The following CDH13 variants were observed in gnomAD, a reference collection of about 807,000 sequenced individuals.
CDH13 encodes cadherin-13.
Under a neutral mutation model 63.8 loss-of-function variants are expected in CDH13, and 24 were observed. That is an observed-to-expected ratio of 0.38 (90% CI 0.27 to 0.53). The LOEUF (loss-of-function observed/expected upper bound fraction) is 0.53, where lower values mean the gene tolerates loss of function less well. Among genes scored for constraint, CDH13 ranks in the 20% least tolerant of loss-of-function variants. The pLI, the probability that CDH13 is intolerant of heterozygous loss-of-function variation, is 0.85. For missense variants in CDH13, 1,049 were observed against 903.1 expected (o/e 1.16, Z -2.07); for synonymous variants, 503 against 355.3 (o/e 1.42, Z -4.67).
chr16:82,985,273 G>A (rs756136671), intron 2 of CDH13, among the ~76,000 whole-genome samples: 3 of 152,152 alleles, frequency 2.0e-5, no homozygotes, highest in Non-Finnish European at 2.9e-5. Context: ...AAAGGAGGGG[G>A]AGTTGAAAGG....
chr16:83,051,942 T>TG (rs1013918120), intron 3 of CDH13, among the ~76,000 whole-genome samples: 43 of 152,188 alleles, frequency 2.8e-4, no homozygotes, highest in African/African-American at 4.8e-4. Flanking sequence ...TAATTTTTTT[T>TG]TTGTTGTTAA....
At chr16:83,663,548 C>A (rs1364909676) in intron 8 of CDH13, among the ~76,000 whole-genome samples, 3 of 152,008 alleles carry the variant, frequency 2.0e-5, no homozygotes, top group African/African-American at 7.2e-5. Context: ...ACAAAATAAC[C>A]CGAAAAGTTA....
At chr16:83,480,152 C>A (rs545515647) in intron 6 of CDH13, among the ~76,000 whole-genome samples, 6 of 152,104 alleles carry the variant, frequency 3.9e-5, no homozygotes, top group African/African-American at 1.4e-4. Flanking sequence ...TGACAAAACC[C>A]CATCTCTACA....
At chr16:82,672,816 C>G (rs111815222) in intron 1 of CDH13, among the ~76,000 whole-genome samples, 4 of 150,196 alleles carry the variant, frequency 2.7e-5, no homozygotes, top group African/African-American at 9.8e-5. Flanking sequence ...CACACACACA[C>G]AAAATATATA....
At chr16:83,497,150 C>T (rs971343198) in intron 7 of CDH13, among the ~76,000 whole-genome samples, 2 of 152,142 alleles carry the variant, frequency 1.3e-5, no homozygotes, top group African/African-American at 4.8e-5. Context: ...ACCCAGCCAT[C>T]CCATTACTGG....
At chr16:83,563,227 A>T (rs1419529576) in intron 7 of CDH13, among the ~76,000 whole-genome samples, 2 of 152,250 alleles carry the variant, frequency 1.3e-5, no homozygotes, top group African/African-American at 4.8e-5. Flanking sequence ...AGAGCCTAAT[A>T]ACATGGGGAA....
At chr16:83,574,624 G>A (rs1272571934) in intron 7 of CDH13, among the ~76,000 whole-genome samples, 1 of 152,172 alleles carries the variant, frequency 6.6e-6, no homozygotes, top group African/African-American at 2.4e-5. Flanking sequence ...TGCATCACAG[G>A]GATGGCATTC....
At chr16:83,657,796 T>G (rs549680164) in intron 8 of CDH13, among the ~76,000 whole-genome samples, 2 of 152,300 alleles carry the variant, frequency 1.3e-5, no homozygotes, top group South Asian at 4.1e-4. Context: ...GCCAGTGGCA[T>G]CCTTCAGCAC....
At chr16:83,404,472 A>G (rs2092012367) in intron 6 of CDH13, among the ~76,000 whole-genome samples, 1 of 152,228 alleles carries the variant, frequency 6.6e-6, no homozygotes. Flanking sequence ...TTTAGGAAGG[A>G]TTAAGTGATG....
At chr16:83,452,216 C>T (rs2072904326) in intron 6 of CDH13, among the ~76,000 whole-genome samples, 1 of 152,182 alleles carries the variant, frequency 6.6e-6, no homozygotes. Context: ...AACCTTGTGA[C>T]AGTCGGTAGT....
chr16:83,445,635 C>T (rs892840889), intron 6 of CDH13, among the ~76,000 whole-genome samples: 1 of 152,128 alleles, frequency 6.6e-6, no homozygotes, highest in Admixed American at 6.5e-5. Flanking sequence ...CGATAAAGAC[C>T]ATCATGTTTT....
intron 7 of CDH13, among the ~76,000 whole-genome samples, chr16:83,546,829 C>T (rs1019461126): frequency 6.6e-6 from 1 of 152,178 alleles, no homozygotes; most frequent in Non-Finnish European, 1.5e-5. Context: ...GGCACTGCAG[C>T]CCCATGGCCA....
At chr16:82,694,150 A>G (rs1468512618) in intron 1 of CDH13, among the ~76,000 whole-genome samples, 2 of 152,246 alleles carry the variant, frequency 1.3e-5, no homozygotes, top group African/African-American at 2.4e-5. Flanking sequence ...TCACTTGCAT[A>G]TAGAGCTATT....
At chr16:82,884,236 C>G (rs1213598553) in intron 2 of CDH13, 2 of 455,344 alleles carry the variant, frequency 4.4e-6, no homozygotes, top group South Asian at 1.6e-5. Flanking sequence ...TTTTAAAAGC[C>G]TGGGCTCCCA....
intron 6 of CDH13, among the ~76,000 whole-genome samples, chr16:83,441,978 G>A (rs910799779): frequency 6.6e-6 from 1 of 152,126 alleles, no homozygotes; most frequent in African/African-American, 2.4e-5. Context: ...GGATTGAGAG[G>A]GTTTGAATGA....
intron 3 of CDH13, among the ~76,000 whole-genome samples, chr16:83,088,984 T>C (rs1303817050): frequency 6.6e-6 from 1 of 152,222 alleles, no homozygotes; most frequent in Non-Finnish European, 1.5e-5. Context: ...AAGGGCAGAA[T>C]TGAGTAGTTG....
intron 2 of CDH13, among the ~76,000 whole-genome samples, chr16:82,942,811 G>C (rs1425244131): frequency 1.3e-5 from 2 of 152,172 alleles, no homozygotes; most frequent in East Asian, 3.9e-4. Context: ...TGGAACTCAG[G>C]TTTCCCAATA....
At chr16:83,649,073 C>G (rs1332567569) in intron 8 of CDH13, among the ~76,000 whole-genome samples, 1 of 152,230 alleles carries the variant, frequency 6.6e-6, no homozygotes, top group African/African-American at 2.4e-5. Flanking sequence ...TTTCTTAACT[C>G]TGTGACTATT....
intron 4 of CDH13, among the ~76,000 whole-genome samples, chr16:83,214,663 G>C (rs1597530384): frequency 1.4e-5 from 2 of 147,928 alleles, no homozygotes; most frequent in South Asian, 4.4e-4. Context: ...ATTAACAACA[G>C]TGTAATTTTA....
Sources: allele counts gnomAD v4.1 joint callset (sites outside exome capture counted in the v4.1 genomes callset), GRCh38; gene constraint gnomAD v4.1.1; transcripts MANE v1.5; gene names NCBI Gene and HGNC (gene_info 2026-07-23, HGNC 2026-07-21).